Variants in AGAP1 observed in about 807,000 individuals in gnomAD.
AGAP1 encodes the protein ArfGAP with GTPase domain, ankyrin repeat and PH domain 1.
AGAP1 carries 29 observed loss-of-function variants against 105.3 expected under a neutral mutation model. The observed-to-expected ratio is 0.28, with a 90% confidence interval of 0.21 to 0.38. AGAP1 has a LOEUF of 0.38. Among genes scored for constraint, AGAP1 ranks in the 10% least tolerant of loss-of-function variants. AGAP1 has a pLI of 1.00. For missense variants in AGAP1, 998 were observed against 1,165.1 expected (o/e 0.86, Z 2.09); for synonymous variants, 509 against 485.9 (o/e 1.05, Z -0.63).
intron 12 of AGAP1, among the ~76,000 whole-genome samples, chr2:235,956,996 T>A (rs2053979669): frequency 6.6e-6 from 1 of 152,336 alleles, no homozygotes; most frequent in South Asian, 2.1e-4. Context: ...CCATTTTTTT[T>A]AAACAGCTTT....
At chr2:236,081,668 GTTTT>G (rs35088277) in intron 16 of AGAP1, among the ~76,000 whole-genome samples, 2 of 135,194 alleles carry the variant, frequency 1.5e-5, no homozygotes, top group African/African-American at 2.7e-5. Context: ...AGTTCTGTGG[GTTTT>G]TTTTTTTTTT....
In AGAP1 at chr2:235,799,990, A is replaced by G. The variant is rs961061563; in HGVS notation, c.957+468A>G. Among the ~76,000 whole-genome samples, 7 of 152,172 alleles carry G rather than the reference A, an allele frequency of 4.6e-5. No individual in the cohort carries two copies. Among genetic ancestry groups the G allele is most frequent in the African/African-American group, 1.2e-4 (5 of 41,514 alleles). On this transcript the variant is annotated intron_variant, in intron 8 of 17. Coordinates refer to ENST00000304032, the MANE Select transcript of AGAP1 (RefSeq NM_001037131.3). This position sits in a 1 kb window ranked among gnomAD's most constrained non-coding sequence, Gnocchi z 5.0. ...AGGTGCTTCCTGGAGGCTCATTGCC[A>G]TGAGGCTCTCCACTTGGGTTTTTTG...
At chr2:235,597,713 C>T (rs1945573569) in intron 1 of AGAP1, among the ~76,000 whole-genome samples, 1 of 151,912 alleles carries the variant, frequency 6.6e-6, no homozygotes, top group Non-Finnish European at 1.5e-5. Context: ...TGCACGCGCT[C>T]CCGTGTTTCC....
intron 13 of AGAP1, among the ~76,000 whole-genome samples, chr2:236,033,066 T>C (rs2057274115): frequency 6.6e-6 from 1 of 151,938 alleles, no homozygotes; most frequent in Admixed American, 6.6e-5. Flanking sequence ...GCCAACATGG[T>C]GAAACCCTGT....
chr2:235,579,265 G>A (rs1335754447), intron 1 of AGAP1, among the ~76,000 whole-genome samples: 2 of 152,164 alleles, frequency 1.3e-5, no homozygotes, highest in Admixed American at 6.5e-5. Flanking sequence ...TTTACCAGGC[G>A]ACACTTTTGC....
chr2:235,587,363 A>G (rs374558001), intron 1 of AGAP1, among the ~76,000 whole-genome samples: 2 of 152,174 alleles, frequency 1.3e-5, no homozygotes, highest in African/African-American at 4.8e-5. Flanking sequence ...TGTAGTAACC[A>G]TAGGTGGGAG....
At chr2:236,017,575 C>G (rs1006411264) in intron 13 of AGAP1, among the ~76,000 whole-genome samples, 11 of 152,118 alleles carry the variant, frequency 7.2e-5, no homozygotes, top group African/African-American at 1.9e-4. Context: ...GTAAGGTGGA[C>G]ACTGGAGTTT....
chr2:236,040,852 G>A lies in AGAP1; in HGVS notation c.1891+11G>A, dbSNP rs1329623747. 3.1e-6 allele frequency: 5 copies of A among 1,614,054 alleles called. No individual in the cohort carries two copies. Among genetic ancestry groups the A allele is most frequent in the Admixed American group, 3.3e-5 (2 of 60,002 alleles). On this transcript the variant is annotated intron_variant, in intron 15 of 17. Coordinates refer to ENST00000304032, the MANE Select transcript of AGAP1 (RefSeq NM_001037131.3). The surrounding 1 kb of genome is among the most constrained non-coding windows in gnomAD (Gnocchi z 5.6). ...ACTGCGAGACCCAGAGTAAGTGTGTGCGGTGGTAGCAGGGGCTGGCGCTGT... is the reference window on the plus strand; with the variant it reads ...ACTGCGAGACCCAGAGTAAGTGTGTACGGTGGTAGCAGGGGCTGGCGCTGT...
chr2:236,036,402 A>G lies in AGAP1; in HGVS notation c.1646-159A>G, dbSNP rs917295998. Among the ~76,000 whole-genome samples the G allele has an allele frequency of 5.3e-5, 8 of 152,164 alleles. No homozygotes were observed. The highest frequency in any genetic ancestry group is 1.3e-4 in the Admixed American group (2 of 15,272). On this transcript the variant is annotated intron_variant, in intron 13 of 17. Coordinates refer to ENST00000304032, the MANE Select transcript of AGAP1 (RefSeq NM_001037131.3). This position sits in a 1 kb window ranked among gnomAD's most constrained non-coding sequence, Gnocchi z 5.7. ...CCACATCTGGACTGTTGGGAGGTGC[A>G]TGGATTCAAATCTCCGCCGCCGTGG...
chr2:235,679,881 A>T (rs148959469), intron 1 of AGAP1, among the ~76,000 whole-genome samples: 83 of 152,380 alleles, frequency 5.4e-4, no homozygotes, highest in South Asian at 3.7e-3. Context: ...AGTGGAGTGT[A>T]GTAAAGGTCA....
intron 11 of AGAP1, among the ~76,000 whole-genome samples, chr2:235,914,470 A>G (rs1432866732): frequency 6.6e-6 from 1 of 152,106 alleles, no homozygotes; most frequent in Non-Finnish European, 1.5e-5. Context: ...CTGAAGGGCC[A>G]TATGGGGCAA....
intron 1 of AGAP1, among the ~76,000 whole-genome samples, chr2:235,667,251 G>A (rs1324889661): frequency 6.6e-6 from 1 of 152,168 alleles, no homozygotes; most frequent in African/African-American, 2.4e-5. Flanking sequence ...TTGTCACTGT[G>A]TAGCATTGCA....
rs565790187 is a variant in AGAP1, at chr2:235,741,999, C to T, written c.396+951C>T. 1.3e-5 allele frequency among the ~76,000 whole-genome samples: 2 copies of T among 152,294 alleles called. No individual in the cohort carries two copies. The highest frequency in any genetic ancestry group is 3.9e-4 in the East Asian group (2 of 5,184). On this transcript the variant is annotated intron_variant, in intron 4 of 17. Coordinates refer to ENST00000304032, the MANE Select transcript of AGAP1 (RefSeq NM_001037131.3). This position sits in a 1 kb window ranked among gnomAD's most constrained non-coding sequence, Gnocchi z 4.9. Reference sequence around the variant, plus strand: ...CGATCTCCTGACCTCGTGATCCACTCACCTCGGCCTCCCAAAGTGCTGGGA... The same window carrying T: ...CGATCTCCTGACCTCGTGATCCACTTACCTCGGCCTCCCAAAGTGCTGGGA...
intron 16 of AGAP1, among the ~76,000 whole-genome samples, chr2:236,064,927 A>G (rs2058305386): frequency 6.6e-6 from 1 of 152,254 alleles, no homozygotes; most frequent in Non-Finnish European, 1.5e-5. Flanking sequence ...TAGATACTCA[A>G]TAAATATTTG....
Position 236,040,898 on chromosome 2 carries a change from C to A in AGAP1, c.1891+57C>A. On this transcript the variant is annotated intron_variant, in intron 15 of 17. Coordinates refer to ENST00000304032, the MANE Select transcript of AGAP1 (RefSeq NM_001037131.3). The surrounding 1 kb of genome is among the most constrained non-coding windows in gnomAD (Gnocchi z 5.6). Reference sequence around the variant, plus strand: ...GCTGTGTAGCTGGAGACCACATGGTCCCACTAGGCCCGGGTTGCAGGGGAC... The same window carrying A: ...GCTGTGTAGCTGGAGACCACATGGTACCACTAGGCCCGGGTTGCAGGGGAC... 2 of 1,571,200 alleles carry A rather than the reference C, an allele frequency of 1.3e-6. No homozygotes were observed. Among genetic ancestry groups the A allele is most frequent in the East Asian group, 2.2e-5 (1 of 44,512 alleles).
Position 235,901,153 on chromosome 2 carries a change from T to G in AGAP1, c.1156-7585T>G, listed in dbSNP as rs2051044778. Among the ~76,000 whole-genome samples the G allele has an allele frequency of 6.6e-6, 1 of 152,236 alleles. No homozygotes were observed. On this transcript the variant is annotated intron_variant, in intron 10 of 17. Coordinates refer to ENST00000304032, the MANE Select transcript of AGAP1 (RefSeq NM_001037131.3). The surrounding 1 kb of genome is among the most constrained non-coding windows in gnomAD (Gnocchi z 4.3). ...TTGTTTATTATTCATAAATGTGGGA[T>G]GTGAACGTTTGCTTGATCTTTTTGA...
At chr2:235,825,618 C>G (rs1959021482) in intron 9 of AGAP1, among the ~76,000 whole-genome samples, 1 of 152,096 alleles carries the variant, frequency 6.6e-6, no homozygotes, top group Non-Finnish European at 1.5e-5. Context: ...AAAATGTATC[C>G]AGCAAAGTCT....
rs56110123 is a variant in AGAP1, at chr2:235,880,218, T to C, written c.1051-3127T>C. On this transcript the variant is annotated intron_variant, in intron 9 of 17. Transcript: ENST00000304032. ...CTTAACAAATAAGTCCTCGTAGCCT[T>C]CACTGGGGGCAGGACAATTTTGAGG... 7.5e-3 allele frequency among the ~76,000 whole-genome samples: 1,145 copies of C among 152,066 alleles called. 7 individuals carry two copies. The highest frequency in any genetic ancestry group is 0.027 in the African/African-American group (1,111 of 41,456).
At chr2:235,544,066 G>A (rs1381127808) in intron 1 of AGAP1, among the ~76,000 whole-genome samples, 1 of 152,208 alleles carries the variant, frequency 6.6e-6, no homozygotes, top group South Asian at 2.1e-4. Flanking sequence ...CTTTAAACAA[G>A]CATGTTTGAA....
Sources: gnomAD v4.1 joint callset for allele counts (sites outside exome capture counted in the v4.1 genomes callset) on GRCh38, gnomAD v4.1.1 for gene constraint, Gnocchi (gnomAD v3.1) non-coding constraint, MANE v1.5 for transcripts, NCBI Gene and HGNC (gene_info 2026-07-23, HGNC 2026-07-21) for gene names.